The following MYLK variants were observed in gnomAD, a reference collection of about 807,000 sequenced individuals.
MYLK encodes myosin light chain kinase, smooth muscle.
In MYLK, 106 loss-of-function variants were observed where a neutral mutation model predicts 203.4. The observed-to-expected ratio is 0.52, with a 90% CI of 0.45 to 0.61. The LOEUF (loss-of-function observed/expected upper bound fraction) is 0.61. MYLK is among the 20% of genes least tolerant of loss of function. The pLI is 0.00. For missense variants in MYLK, 2,072 were observed against 2,442.3 expected (o/e 0.85, Z 3.20); for synonymous variants, 867 against 959.5 (o/e 0.90, Z 1.78).
chr3:123,616,759 CCTT>C (rs1473701063), intron 33 of MYLK: 9 of 152,084 alleles, frequency 5.9e-5, no homozygotes, highest in African/African-American at 2.2e-4. Context: ...CGTGGCACGT[CCTT>C]CTCTCTCGCT....
Position 123,648,208 on chromosome 3 carries a change from G to A in MYLK, c.4415+763C>T, listed in dbSNP as rs540005046. Among the ~76,000 whole-genome samples, 8 of 152,322 alleles carry A rather than the reference G, an allele frequency of 5.3e-5. No homozygotes were observed. The highest frequency in any genetic ancestry group is 1.9e-4 in the African/African-American group (8 of 41,582). On this transcript the variant is annotated intron_variant, in intron 26 of 33. Transcript: ENST00000360304. The surrounding 1 kb of genome is among the most constrained non-coding windows in gnomAD (Gnocchi z 4.5). Reference sequence around the variant, plus strand: ...TCTCCCACCTCTTCTATTCCTCCAGGGACAGCGTAAGGGCAGATGAACAGC... The same window carrying A: ...TCTCCCACCTCTTCTATTCCTCCAGAGACAGCGTAAGGGCAGATGAACAGC...
At chr3:123,701,551 G>C (rs1262779484) in intron 16 of MYLK, 42 bp from the exon 17 acceptor site, 6 of 1,595,380 alleles carry the variant, frequency 3.8e-6, no homozygotes, top group Non-Finnish European at 5.2e-6. Context: ...GAGGCCCTCT[G>C]GGCAAAGGGC....
chr3:123,684,766 C>A (rs1387285285), intron 19 of MYLK, among the ~76,000 whole-genome samples: 1 of 152,182 alleles, frequency 6.6e-6, no homozygotes, highest in East Asian at 1.9e-4. Context: ...GAATTCCTGG[C>A]CTCAGGTGAT....
At chr3:123,817,903 G>A (rs1162026784) in intron 3 of MYLK, among the ~76,000 whole-genome samples, 1 of 152,116 alleles carries the variant, frequency 6.6e-6, no homozygotes, top group Admixed American at 6.5e-5. Flanking sequence ...AAGGGACAGG[G>A]GGCATGGCAG....
chr3:123,815,232 CT>C (rs2065709021), intron 3 of MYLK, among the ~76,000 whole-genome samples: 1 of 152,142 alleles, frequency 6.6e-6, no homozygotes. Flanking sequence ...CTGGTGCTGA[CT>C]TGTGGCTCCC....
chr3:123,753,491 T>G (rs75941285), intron 4 of MYLK, among the ~76,000 whole-genome samples: 1 of 151,838 alleles, frequency 6.6e-6, no homozygotes, highest in Middle Eastern at 3.4e-3. Context: ...TTTTTTTTTT[T>G]TTGAGATGGA....
chr3:123,632,382 G>A (rs1559990263), intron 29 of MYLK, among the ~76,000 whole-genome samples: 2 of 152,194 alleles, frequency 1.3e-5, no homozygotes, highest in Non-Finnish European at 2.9e-5. Context: ...CCAAAAGATG[G>A]CAGGAAAAGC....
chr3:123,665,907 T>C (rs1035342339), intron 22 of MYLK, among the ~76,000 whole-genome samples: 3 of 152,324 alleles, frequency 2.0e-5, no homozygotes, highest in Admixed American at 2.0e-4. Context: ...GGCTCGACTT[T>C]CCTGACTCTG....
At chr3:123,707,115 C>G (rs2061489468) in intron 16 of MYLK, among the ~76,000 whole-genome samples, 1 of 152,186 alleles carries the variant, frequency 6.6e-6, no homozygotes, top group Non-Finnish European at 1.5e-5. Flanking sequence ...AAAAAAGACA[C>G]TCAAGCAGCC....
chr3:123,766,772 A>G (rs1364147197), intron 4 of MYLK, among the ~76,000 whole-genome samples: 1 of 152,236 alleles, frequency 6.6e-6, no homozygotes, highest in African/African-American at 2.4e-5. Flanking sequence ...TTAGTTCCAC[A>G]GGGCACAGCC....
chr3:123,741,723 G>C (rs561965689), intron 5 of MYLK, among the ~76,000 whole-genome samples: 1 of 152,234 alleles, frequency 6.6e-6, no homozygotes, highest in Non-Finnish European at 1.5e-5. Flanking sequence ...ATTTGTAATA[G>C]TGAAAGTTAG....
intron 18 of MYLK, among the ~76,000 whole-genome samples, chr3:123,697,526 G>T (rs563055869): frequency 6.6e-6 from 1 of 152,244 alleles, no homozygotes; most frequent in African/African-American, 2.4e-5. Flanking sequence ...TAACTAAGAG[G>T]TCATATAGCA....
chr3:123,628,755 A>G (rs1477291405), intron 30 of MYLK, among the ~76,000 whole-genome samples: 3 of 152,116 alleles, frequency 2.0e-5, no homozygotes, highest in Non-Finnish European at 4.4e-5. Context: ...CCAATCTTCT[A>G]CTGAAACCCA....
At chr3:123,840,445 CTA>C (rs897267823) in intron 2 of MYLK, among the ~76,000 whole-genome samples, 3 of 149,988 alleles carry the variant, frequency 2.0e-5, no homozygotes, top group East Asian at 3.9e-4. Flanking sequence ...ATAAACAAAT[CTA>C]TGTCATAATA....
At chr3:123,736,513 G>A (rs901561168) in intron 8 of MYLK, among the ~76,000 whole-genome samples, 2 of 152,016 alleles carry the variant, frequency 1.3e-5, no homozygotes, top group Non-Finnish European at 2.9e-5. Context: ...CCGGACTTGA[G>A]GAACCAAAGA....
chr3:123,723,597 C>A (rs780272048), intron 12 of MYLK, among the ~76,000 whole-genome samples: 23 of 152,188 alleles, frequency 1.5e-4, no homozygotes, highest in Non-Finnish European at 2.5e-4. Context: ...CTCACTGTGG[C>A]CCCACAAACA....
chr3:123,854,376 C>CA (rs2031155360), intron 2 of MYLK, among the ~76,000 whole-genome samples: 1 of 151,878 alleles, frequency 6.6e-6, no homozygotes, highest in African/African-American at 2.4e-5. Flanking sequence ...CATTTTCCCC[C>CA]AAAAAATCTG....
At chr3:123,851,721 T>C (rs531178606) in intron 2 of MYLK, among the ~76,000 whole-genome samples, 15 of 152,240 alleles carry the variant, frequency 9.9e-5, no homozygotes, top group South Asian at 2.1e-4. Flanking sequence ...CTTTTCCTAA[T>C]TGAATACCCT....
Position 123,725,795 on chromosome 3 carries a change from A to C in MYLK, c.1651+149T>G, listed in dbSNP as rs1299640475. 1.0e-5 allele frequency: 12 copies of C among 1,175,816 alleles called. No homozygotes were observed. The Admixed American group carries it at 1.5e-4, about 15-fold the overall frequency. The allele number at this position is 1,175,816 out of a possible 1,614,324, so 72.8% of individuals were successfully genotyped here. On this transcript the variant is annotated intron_variant, in intron 12 of 33. Coordinates refer to ENST00000360304, the MANE Select transcript of MYLK (RefSeq NM_053025.4). ...CTCAGCCAGTCGGGAGCAGGATCCC[A>C]GTGCCCGTGCTCTCTTTGTGCCCTG...
Sources: gnomAD v4.1 joint callset for allele counts (sites outside exome capture counted in the v4.1 genomes callset) on GRCh38, gnomAD v4.1.1 for gene constraint, Gnocchi (gnomAD v3.1) non-coding constraint, MANE v1.5 for transcripts, NCBI Gene and HGNC (gene_info 2026-07-23, HGNC 2026-07-21) for gene names.